ICE1: variants seen among roughly 807,000 people sequenced by gnomAD.
ICE1 encodes interactor of little elongation complex ELL subunit 1, also known as little elongation complex subunit 1.
Under a neutral mutation model 192.7 loss-of-function variants are expected in ICE1, and 64 were observed. The observed-to-expected ratio is 0.33, with a 90% CI of 0.27 to 0.41. ICE1 has a LOEUF of 0.41. ICE1 is among the 10% of genes least tolerant of loss of function. The pLI, the probability that ICE1 is intolerant of heterozygous loss-of-function variation, is 1.00. For missense variants in ICE1, 2,708 were observed against 2,696.0 expected (o/e 1.00, Z -0.10); for synonymous variants, 1,010 against 984.5 (o/e 1.03, Z -0.49).
intron 1 of ICE1, among the ~76,000 whole-genome samples, chr5:5,435,074 A>G (rs1206295426): frequency 5.3e-5 from 8 of 152,306 alleles, no homozygotes; most frequent in Admixed American, 3.3e-4. Flanking sequence ...GGAATGGGCA[A>G]GGAAATTCAT....
At chr5:5,442,474 T>A (rs1420934357) in intron 5 of ICE1, among the ~76,000 whole-genome samples, 1 of 152,242 alleles carries the variant, frequency 6.6e-6, no homozygotes. Context: ...TCTATTTGGT[T>A]ATATAATCTT....
At chr5:5,479,107 TTAAAC>T (rs1217097251) in intron 17 of ICE1, among the ~76,000 whole-genome samples, 5 of 152,132 alleles carry the variant, frequency 3.3e-5, no homozygotes, top group African/African-American at 1.2e-4. Flanking sequence ...TGGGATCTCA[TTAAAC>T]TAAAGAGCTT....
In ICE1 at chr5:5,464,634, A is replaced by G. The variant is rs1332279003; in HGVS notation, c.5300A>G (p.Asn1767Ser). The change falls in exon 13 of 19, where the codon AAC becomes AGC. Residue 1767 changes from asparagine to serine, a missense_variant. Asn to Ser is a conservative substitution (Grantham distance 46, BLOSUM62 1). Around this residue, in one of 2 missense-constraint regions of ICE1, gnomAD observed 2,366 missense variants for 2,276.6 expected, o/e 1.04. Transcript: ENST00000296564. This position sits in a 1 kb window ranked among gnomAD's most constrained non-coding sequence, Gnocchi z 4.0. ...PELSARARTL[N>S]ILKGNIQLTR... ...TTATCTGCCAGGGCCCGGACCCTCA[A>G]CATCCTCAAAGGGAATATTCAACTC... The G allele has an allele frequency of 1.6e-5, 26 of 1,613,436 alleles. No individual in the cohort carries two copies. Among genetic ancestry groups the G allele is most frequent in the East Asian group, 2.2e-5 (1 of 44,860 alleles).
rs1166613809 is a variant in ICE1, at chr5:5,466,345, G to C, written c.5904G>C (p.Glu1968Asp). 1 of 1,606,338 alleles carries C rather than the reference G, an allele frequency of 6.2e-7. No individual in the cohort carries two copies. The highest frequency in any genetic ancestry group is 2.2e-5 in the East Asian group (1 of 44,594). Residue 1968 changes from glutamate (E) to aspartate (D), a missense_variant, in exon 14 of 19, where the codon GAG (glutamate) becomes GAC (aspartate). By Grantham distance (45) the Glu-to-Asp change is conservative. Transcript: ENST00000296564. ...EFSTTKKHLAECLLHSILSEL... is the reference protein window; with the variant it reads ...EFSTTKKHLADCLLHSILSEL... ...TTTTTTCAATCCAGCATTTAGCAGAGTGCTTGCTTCACTCTATTCTCTCAG... is the reference window on the plus strand; with the variant it reads ...TTTTTTCAATCCAGCATTTAGCAGACTGCTTGCTTCACTCTATTCTCTCAG...
chr5:5,448,482 C>T (rs2560300), intron 10 of ICE1, among the ~76,000 whole-genome samples: 68,195 of 151,982 alleles, frequency 0.45, 16,195 homozygotes, highest in East Asian at 0.63. Context: ...ATTTTCACTT[C>T]CATCCTTCCA....
At chr5:5,451,085 T>G (rs1034605700) in intron 10 of ICE1, among the ~76,000 whole-genome samples, 1 of 152,094 alleles carries the variant, frequency 6.6e-6, no homozygotes, top group Admixed American at 6.6e-5. Flanking sequence ...ATATGAGCTT[T>G]TAATAAAAAT....
At chr5:5,485,270 C>T (rs1373627197) in intron 17 of ICE1, among the ~76,000 whole-genome samples, 2 of 152,024 alleles carry the variant, frequency 1.3e-5, no homozygotes, top group Non-Finnish European at 2.9e-5. Flanking sequence ...CCATAAATGA[C>T]GTTTTTAATG....
chr5:5,424,538 A>C (rs1377896333), intron 1 of ICE1, among the ~76,000 whole-genome samples: 1 of 152,204 alleles, frequency 6.6e-6, no homozygotes, highest in Non-Finnish European at 1.5e-5. Flanking sequence ...AAAGACAAAA[A>C]TTCTTGATCT....
At chr5:5,479,965 T>C (rs1739446858) in intron 17 of ICE1, among the ~76,000 whole-genome samples, 1 of 152,068 alleles carries the variant, frequency 6.6e-6, no homozygotes, top group Non-Finnish European at 1.5e-5. Flanking sequence ...AGGGAGAGCA[T>C]TAGGACAAAT....
At chr5:5,450,085 T>TA (rs1378391255) in intron 10 of ICE1, among the ~76,000 whole-genome samples, 1 of 152,036 alleles carries the variant, frequency 6.6e-6, no homozygotes, top group Non-Finnish European at 1.5e-5. Context: ...ATCTAAAACT[T>TA]AGAGAAAAAG....
chr5:5,480,243 CTTTTTCTTTTTTTTT>C lies in ICE1; in HGVS notation c.6520+4170_6520+4184del, dbSNP rs372216037. Among the ~76,000 whole-genome samples the C allele has an allele frequency of 6.3e-3, 901 of 144,046 alleles. 8 individuals are homozygous for C. Among genetic ancestry groups the C allele is most frequent in the African/African-American group, 0.022 (856 of 39,780 alleles). The allele number at this position is 144,046 out of a possible 152,430, so 94.5% of individuals were successfully genotyped here. A position where few individuals can be genotyped will look rare whatever the true frequency, so the allele number is the denominator to read the frequency against. On this transcript the variant is annotated intron_variant, in intron 17 of 18. Transcript: ENST00000296564. ...GACTTTTAAGTATCTTTGGATTTTT[CTTTTTCTTTTTTTTT>C]TTTTTTTTTGAGATGGAGTCTGGCT...
In ICE1 at chr5:5,466,335, A is replaced by G. The variant is rs990707080; in HGVS notation, c.5894A>G (p.His1965Arg). The G allele has an allele frequency of 3.8e-6, 6 of 1,599,062 alleles. No homozygotes were observed. The African/African-American group carries it at 4.1e-5, about 11-fold the overall frequency. The change falls in exon 14 of 19, where the codon CAT becomes CGT. Residue 1965 changes from histidine (H) to arginine (R), a missense_variant and splice_region_variant. Around this residue, in one of 2 missense-constraint regions of ICE1, gnomAD observed 342 missense variants for 419.3 expected, o/e 0.82. Coordinates refer to ENST00000296564, the MANE Select transcript of ICE1 (RefSeq NM_015325.3). ...VVYEFSTTKKHLAECLLHSIL... is the reference protein window; with the variant it reads ...VVYEFSTTKKRLAECLLHSIL... Reference sequence around the variant, plus strand: ...TTTTTAATTTTTTTTTCAATCCAGCATTTAGCAGAGTGCTTGCTTCACTCT... The same window carrying G: ...TTTTTAATTTTTTTTTCAATCCAGCGTTTAGCAGAGTGCTTGCTTCACTCT...
intron 14 of ICE1, 146 bp downstream of exon 14, chr5:5,466,648 A>C: frequency 1.5e-6 from 1 of 675,282 alleles, no homozygotes; most frequent in Admixed American, 3.3e-5. Context: ...AGCTATACCC[A>C]GCTGCACCTG....
intron 10 of ICE1, among the ~76,000 whole-genome samples, chr5:5,449,786 T>C (rs1300634272): frequency 6.6e-6 from 1 of 152,214 alleles, no homozygotes; most frequent in East Asian, 1.9e-4. Flanking sequence ...TTTCATTTTC[T>C]AAAGTTTTAG....
At chr5:5,444,410 T>C in intron 7 of ICE1, 84 bp downstream of exon 7, 4 of 941,568 alleles carry the variant, frequency 4.2e-6, no homozygotes, top group South Asian at 3.0e-5. Context: ...CTTGATCAAA[T>C]AGTTGAATTG....
Position 5,463,799 on chromosome 5 carries a change from C to G in ICE1, c.4465C>G (p.Leu1489Val), listed in dbSNP as rs1173882171. 1 of 1,613,918 alleles carries G rather than the reference C, an allele frequency of 6.2e-7. No homozygotes were observed. Among genetic ancestry groups the G allele is most frequent in the Non-Finnish European group, 8.5e-7 (1 of 1,179,908 alleles). ...TCAGGAGGCTCCATGTGGCAATAAT[C>G]TTTCATGTCCCCAAGAGGATGTTTC... is the stretch of plus-strand genomic sequence containing the variant. ...AFQEAPCGNN[L>V]SCPQEDVSSS... The change falls in exon 13 of 19, where the codon CTT (leucine) becomes GTT (valine). Residue 1489 changes from leucine (L) to valine (V), a missense_variant. Coordinates refer to ENST00000296564, the MANE Select transcript of ICE1 (RefSeq NM_015325.3).
intron 17 of ICE1, among the ~76,000 whole-genome samples, chr5:5,482,570 C>A (rs1739534255): frequency 6.6e-6 from 1 of 152,126 alleles, no homozygotes; most frequent in African/African-American, 2.4e-5. Context: ...ACAGGTGCAC[C>A]AGCACAGGAG....
intron 5 of ICE1, among the ~76,000 whole-genome samples, chr5:5,441,813 T>A (rs1738061970): frequency 6.6e-6 from 1 of 152,352 alleles, no homozygotes; most frequent in South Asian, 2.1e-4. Flanking sequence ...GATCCCTTTT[T>A]AAAAAATCTC....
At chr5:5,453,089 A>G (rs1738472770) in intron 10 of ICE1, among the ~76,000 whole-genome samples, 1 of 152,156 alleles carries the variant, frequency 6.6e-6, no homozygotes, top group Non-Finnish European at 1.5e-5. Context: ...AAGAATGGAA[A>G]AGTAACTTTT....
Sources: allele counts gnomAD v4.1 joint callset (sites outside exome capture counted in the v4.1 genomes callset), GRCh38; gene constraint gnomAD v4.1.1; regional missense constraint gnomAD v4.1.1; non-coding constraint Gnocchi (gnomAD v3.1); transcripts MANE v1.5; gene names NCBI Gene and HGNC (gene_info 2026-07-23, HGNC 2026-07-21).